The following FLT3 variants were observed in gnomAD, a reference collection of about 807,000 sequenced individuals.
FLT3 encodes receptor-type tyrosine-protein kinase FLT3.
In FLT3, 46 loss-of-function variants were observed where a neutral mutation model predicts 126.6. The observed-to-expected ratio is 0.36, with a 90% confidence interval of 0.29 to 0.46. The LOEUF is 0.46. FLT3 is among the 20% of genes least tolerant of loss of function. FLT3 has a pLI of 1.00. For synonymous variants in FLT3, 404 were observed against 434.4 expected, an observed-to-expected ratio of 0.93 and a Z score of 0.87; for missense variants, 1,069 against 1,190.3, an observed-to-expected ratio of 0.90 and a Z score of 1.50.
Position 28,027,073 on chromosome 13 carries a change from G to T in FLT3, c.2207+15C>A. ...CTATGATGTGTAATTACGAAACCCT[G>T]ACCCAGCCTCTTACCTGGAATTTGG... is the stretch of plus-strand genomic sequence containing the variant. On this transcript the variant is annotated intron_variant, in intron 17 of 23. Coordinates refer to ENST00000241453, the MANE Select transcript of FLT3 (RefSeq NM_004119.3). The T allele has an allele frequency of 6.2e-7, 1 of 1,611,068 alleles. No individual in the cohort carries two copies. Among genetic ancestry groups the T allele is most frequent in the South Asian group, 1.1e-5 (1 of 90,614 alleles).
chr13:28,079,943 T>C (rs1015826448), intron 1 of FLT3, among the ~76,000 whole-genome samples: 6 of 152,122 alleles, frequency 3.9e-5, no homozygotes, highest in African/African-American at 1.4e-4. Context: ...AGGAGGGGGA[T>C]GCCAGGCTCT....
chr13:28,067,907 G>A, intron 2 of FLT3: 1 of 390,022 alleles, frequency 2.6e-6, no homozygotes. Context: ...AAGCTGGCTT[G>A]TGCAGGCCAC....
chr13:28,088,476 CA>C (rs1222075071), intron 1 of FLT3, among the ~76,000 whole-genome samples: 6 of 151,798 alleles, frequency 4.0e-5, no homozygotes, highest in African/African-American at 1.2e-4. Flanking sequence ...TTACTAGAGA[CA>C]GGGTTTTGCC....
Position 28,062,038 on chromosome 13 carries a change from G to A in FLT3, c.197C>T (p.Ala66Val), listed in dbSNP as rs764656426. 22 of 1,612,362 alleles carry A rather than the reference G, an allele frequency of 1.4e-5. No homozygotes were observed. Among genetic ancestry groups the A allele is most frequent in the Admixed American group, 3.3e-5 (2 of 59,964 alleles). The change falls in exon 3 of 24, where the codon GCG (alanine) becomes GTG (valine). Residue 66 changes from alanine (A) to valine (V), a missense_variant. Transcript: ENST00000241453. ...VSESPEDLGCALRPQSSGTVY... is the reference protein window; with the variant it reads ...VSESPEDLGCVLRPQSSGTVY... ...TGTCCCTGAGCTCTGGGGTCTCAAC[G>A]CACACCCGAGGTCTTCCGGGGATTC...
chr13:28,083,136 C>T (rs59686303), intron 1 of FLT3, among the ~76,000 whole-genome samples: 12,209 of 152,154 alleles, frequency 0.08, 1,645 homozygotes, highest in African/African-American at 0.28. Flanking sequence ...CCACCACGTG[C>T]CCAGCCGAAT....
intron 11 of FLT3, 68 bp from the exon 12 acceptor site, chr13:28,035,741 C>G: frequency 6.7e-7 from 1 of 1,492,384 alleles, no homozygotes; most frequent in Non-Finnish European, 9.1e-7. Flanking sequence ...AGGATTTCTG[C>G]AGCGAGTTCT....
chr13:28,018,968 C>CTT lies in FLT3; in HGVS notation c.2419-381_2419-380dup, dbSNP rs371765349. Among the ~76,000 whole-genome samples the CTT allele has an allele frequency of 0.016, 2,191 of 138,452 alleles. 132 individuals are homozygous for CTT. In the East Asian group the frequency reaches 0.16, roughly 10 times the overall value. 90.8% of individuals were successfully genotyped at this position (138,452 alleles called of 152,430 possible). On this transcript the variant is annotated intron_variant, in intron 19 of 23. Transcript: ENST00000241453. The stretch of plus-strand genomic sequence containing the variant: ...GGGTGTGAGAAATAGCATCTCTTTT[C>CTT]TTTTTTTTTTTTTTTTGAGACGGAG...
At chr13:28,030,050 A>G (rs1421030353) in intron 15 of FLT3, among the ~76,000 whole-genome samples, 4 of 152,182 alleles carry the variant, frequency 2.6e-5, no homozygotes, top group Non-Finnish European at 5.9e-5. Context: ...TTTTTCTTCC[A>G]GATATAGTAA....
chr13:28,035,880 T>C, intron 11 of FLT3, 55 bp downstream of exon 11: 1 of 1,388,384 alleles, frequency 7.2e-7, no homozygotes, highest in East Asian at 2.3e-5. Context: ...AAAGAGTCAA[T>C]AGGTCAGAGA....
At chr13:28,033,264 C>G (rs910916855) in intron 15 of FLT3, among the ~76,000 whole-genome samples, 2 of 150,718 alleles carry the variant, frequency 1.3e-5, no homozygotes, top group African/African-American at 2.4e-5. Flanking sequence ...TCACAGCACT[C>G]TAGCCTGGGT....
chr13:28,090,052 T>C (rs1300455542), intron 1 of FLT3, among the ~76,000 whole-genome samples: 1 of 151,330 alleles, frequency 6.6e-6, no homozygotes, highest in African/African-American at 2.4e-5. Context: ...TGAGGGAACT[T>C]TTTTTTTAGA....
chr13:28,044,859 G>C (rs1279393049), intron 9 of FLT3, among the ~76,000 whole-genome samples: 2 of 152,206 alleles, frequency 1.3e-5, no homozygotes, highest in Non-Finnish European at 2.9e-5. Context: ...AGACTGCACT[G>C]TGAGTTGCAT....
At chr13:28,069,411 T>G (rs778891177) in intron 2 of FLT3, among the ~76,000 whole-genome samples, 20 of 151,828 alleles carry the variant, frequency 1.3e-4, no homozygotes, top group Non-Finnish European at 2.6e-4. Flanking sequence ...TAAACAGAAA[T>G]CAATAAATAC....
chr13:28,093,455 T>G (rs1879256424), intron 1 of FLT3, among the ~76,000 whole-genome samples: 1 of 152,146 alleles, frequency 6.6e-6, no homozygotes, highest in Non-Finnish European at 1.5e-5. Flanking sequence ...CAACCCTGAA[T>G]TTTCTTTTTT....
chr13:28,090,360 G>A (rs1450212533), intron 1 of FLT3, among the ~76,000 whole-genome samples: 1 of 152,136 alleles, frequency 6.6e-6, no homozygotes, highest in Non-Finnish European at 1.5e-5. Flanking sequence ...AAGGGGAATG[G>A]AAATGTCTAT....
At chr13:28,015,518 G>C in intron 21 of FLT3, 72 bp downstream of exon 21, 1 of 800,696 alleles carries the variant, frequency 1.2e-6, no homozygotes, top group Non-Finnish European at 2.1e-6. Context: ...TGGGGGGAGG[G>C]GTGGGGCGGC....
chr13:28,027,318 T>C (rs1872899259), intron 16 of FLT3, 77 bp from the exon 17 acceptor site: 2 of 1,211,098 alleles, frequency 1.7e-6, no homozygotes, highest in South Asian at 2.9e-5. Flanking sequence ...GCAGACAACA[T>C]ACTCTTAGGA....
intron 1 of FLT3, among the ~76,000 whole-genome samples, chr13:28,090,093 T>G (rs866019363): frequency 3.3e-5 from 5 of 151,554 alleles, no homozygotes; most frequent in Non-Finnish European, 7.4e-5. Flanking sequence ...CAGGGTGAAG[T>G]GTGGCGGCAC....
intron 23 of FLT3, among the ~76,000 whole-genome samples, chr13:28,012,493 C>T (rs1871480806): frequency 6.6e-6 from 1 of 152,108 alleles, no homozygotes; most frequent in South Asian, 2.1e-4. Flanking sequence ...ACTTTTTCAA[C>T]TTTGGACTTT....
Sources: gnomAD v4.1 joint callset for allele counts (sites outside exome capture counted in the v4.1 genomes callset) on GRCh38, gnomAD v4.1.1 for gene constraint, MANE v1.5 for transcripts, NCBI Gene and HGNC (gene_info 2026-07-23, HGNC 2026-07-21) for gene names.